The following NMBR variants were observed in gnomAD, a reference collection of about 807,000 sequenced individuals.
NMBR encodes neuromedin-B receptor.
In NMBR, 16 loss-of-function variants were observed where a neutral mutation model predicts 20.5. The ratio of observed to expected loss-of-function variants is 0.78; its 90% CI spans 0.53 to 1.19. NMBR has a LOEUF of 1.19. NMBR is among the 50% of genes most tolerant of loss of function. The pLI is 0.00. For missense variants in NMBR, 582 were observed against 499.1 expected (o/e 1.17, Z -1.58); for synonymous variants, 212 against 196.6 (o/e 1.08, Z -0.65).
chr6:142,124,777 T>C (rs1778002247), intron 1 of NMBR, among the ~76,000 whole-genome samples: 1 of 151,920 alleles, frequency 6.6e-6, no homozygotes, highest in Admixed American at 6.6e-5. Flanking sequence ...GGTCAGGCAA[T>C]TGCTGGCACA....
At chr6:142,117,104 T>C (rs1482989828) in intron 1 of NMBR, among the ~76,000 whole-genome samples, 1 of 151,966 alleles carries the variant, frequency 6.6e-6, no homozygotes, top group Non-Finnish European at 1.5e-5. Context: ...ATGCTTGCGA[T>C]GATAAGGTCA....
chr6:142,101,876 T>C (rs1418389596), intron 1 of NMBR, among the ~76,000 whole-genome samples: 1 of 152,140 alleles, frequency 6.6e-6, no homozygotes, highest in African/African-American at 2.4e-5. Context: ...GGTCACAGAT[T>C]TTTTTCAGCT....
rs935792974 is a variant in NMBR, at chr6:142,115,330, T to A, written c.-663-26009A>T. 2.0e-5 allele frequency among the ~76,000 whole-genome samples: 3 copies of A among 152,014 alleles called. 1 individual carries two copies. The highest frequency in any genetic ancestry group is 4.1e-4 in the South Asian group (2 of 4,824). On this transcript the variant is annotated intron_variant, in intron 1 of 3. Transcript: ENST00000258042. ...GGTAAAAGAGGATCTTTTTAGAACATGCAAAGGATCCACATGCAGAAAAAA... is the reference window on the plus strand; with the variant it reads ...GGTAAAAGAGGATCTTTTTAGAACAAGCAAAGGATCCACATGCAGAAAAAA...
intron 1 of NMBR, chr6:142,135,061 TG>T: frequency 2.4e-6 from 1 of 410,742 alleles, no homozygotes; most frequent in Non-Finnish European, 4.3e-6. Flanking sequence ...AGTGCCTGGT[TG>T]TAAGGTAAGG....
rs1253308836 is a variant in NMBR, at chr6:142,133,889, T to C, written c.-664+13155A>G. The C allele has an allele frequency of 5.7e-6, 4 of 701,954 alleles. No homozygotes were observed. The African/African-American group carries it at 7.0e-5, about 12-fold the overall frequency. 43.5% of individuals were successfully genotyped at this position (701,954 alleles called of 1,614,324 possible). On this transcript the variant is annotated intron_variant, in intron 1 of 3. Coordinates refer to ENST00000258042, the MANE Select transcript of NMBR (RefSeq NM_002511.4). ...TGTGATTGGTCAATTCCACACCCTT[T>C]TCTTTGGATCGATCCGAATATTCTT...
chr6:142,114,977 AG>A (rs1777825353), intron 1 of NMBR, among the ~76,000 whole-genome samples: 1 of 152,180 alleles, frequency 6.6e-6, no homozygotes, highest in Non-Finnish European at 1.5e-5. Context: ...GAAACTTAGC[AG>A]ATCTCTAATC....
chr6:142,092,275 T>C (rs1444710574), intron 1 of NMBR, among the ~76,000 whole-genome samples: 1 of 152,090 alleles, frequency 6.6e-6, no homozygotes, highest in Non-Finnish European at 1.5e-5. Flanking sequence ...CAGCTGCATG[T>C]AGATAAGGAA....
In NMBR at chr6:142,091,455, G is replaced by C. The variant is rs930461456; in HGVS notation, c.-663-2134C>G. On this transcript the variant is annotated intron_variant, in intron 1 of 3. Coordinates refer to ENST00000258042, the MANE Select transcript of NMBR (RefSeq NM_002511.4). ...GCCCCAGCTGGTCTCAAATTCTTGG[G>C]CTCAAGCAATCCTCTTGCCTCAGCC... Among the ~76,000 whole-genome samples the C allele has an allele frequency of 2.6e-5, 4 of 152,128 alleles. No homozygotes were observed. In the East Asian group the frequency reaches 5.8e-4, roughly 22 times the overall value.
At position 142,078,890 on chromosome 6, in the gene NMBR, C is replaced by T. The variant is rs141190379; in HGVS notation, c.436G>A (p.Val146Ile). 65 of 1,609,416 alleles carry T rather than the reference C, an allele frequency of 4.0e-5. No homozygotes were observed. Among genetic ancestry groups the T allele is most frequent in the African/African-American group, 2.7e-4 (20 of 73,746 alleles). ...ALSADRYRAI[V>I]NPMDMQTSGA... Reference sequence around the variant, plus strand: ...GACGTCTGCATGTCCATGGGGTTAACGATGGCTCTGTACCTGGGAAAATGA... The same window carrying T: ...GACGTCTGCATGTCCATGGGGTTAATGATGGCTCTGTACCTGGGAAAATGA... Residue 146 changes from valine to isoleucine, a missense_variant, in exon 3 of 4, where the codon GTT becomes ATT. Val to Ile is a conservative substitution (Grantham distance 29, BLOSUM62 3). Transcript: ENST00000258042.
intron 1 of NMBR, among the ~76,000 whole-genome samples, chr6:142,137,722 C>CA (rs1348149699): frequency 8.5e-5 from 13 of 152,058 alleles, no homozygotes; most frequent in Non-Finnish European, 1.5e-4. Flanking sequence ...TGAATTTTGT[C>CA]AAAGGCCTTT....
intron 1 of NMBR, among the ~76,000 whole-genome samples, chr6:142,144,642 G>GCAAC (rs1204699764): frequency 2.0e-5 from 3 of 152,112 alleles, no homozygotes; most frequent in African/African-American, 7.2e-5. Flanking sequence ...ACAAGAAAAA[G>GCAAC]CAACCTCACA....
At chr6:142,099,157 C>T (rs1038073086) in intron 1 of NMBR, among the ~76,000 whole-genome samples, 7 of 152,052 alleles carry the variant, frequency 4.6e-5, no homozygotes, top group Non-Finnish European at 7.4e-5. Context: ...CAAAAATTCA[C>T]GAAAAGTAGA....
intron 1 of NMBR, among the ~76,000 whole-genome samples, chr6:142,103,442 C>T (rs1280090818): frequency 6.6e-6 from 1 of 152,020 alleles, no homozygotes; most frequent in Non-Finnish European, 1.5e-5. Context: ...AGTTTGATAA[C>T]CAAACATTGG....
chr6:142,144,485 C>T (rs1778400057), intron 1 of NMBR, among the ~76,000 whole-genome samples: 1 of 152,076 alleles, frequency 6.6e-6, no homozygotes, highest in African/African-American at 2.4e-5. Context: ...TTGCCCTCAC[C>T]CCCTATTTTG....
At chr6:142,145,551 C>G (rs1374639473) in intron 1 of NMBR, among the ~76,000 whole-genome samples, 1 of 152,064 alleles carries the variant, frequency 6.6e-6, no homozygotes, top group Admixed American at 6.5e-5. Flanking sequence ...AATATAAAGA[C>G]CCTAGAAACA....
chr6:142,075,903 G>A lies in NMBR; in HGVS notation c.918C>T (p.Thr306=), dbSNP rs147505654. 18 of 1,613,992 alleles carry A rather than the reference G, an allele frequency of 1.1e-5. No individual in the cohort carries two copies. The African/African-American group carries it at 2.4e-4, about 22-fold the overall frequency. The change falls in exon 4 of 4, where the codon ACC becomes ACT. Residue 306 remains threonine (T), a synonymous_variant. Coordinates refer to ENST00000258042, the MANE Select transcript of NMBR (RefSeq NM_002511.4). ...CAAAACTGAGAACCCGGGCAACTAA[G>A]GTGACAATCATGTGGCCTAGAGATG... ...IDPSLGHMIV[T]LVARVLSFGN...
intron 2 of NMBR, among the ~76,000 whole-genome samples, chr6:142,084,815 G>T (rs936864601): frequency 1.2e-4 from 18 of 152,266 alleles, no homozygotes; most frequent in African/African-American, 4.3e-4. Context: ...CGCCAACCAG[G>T]AGCAAAATAT....
chr6:142,116,558 C>T (rs1275215706), intron 1 of NMBR, among the ~76,000 whole-genome samples: 2 of 151,952 alleles, frequency 1.3e-5, no homozygotes, highest in Non-Finnish European at 2.9e-5. Flanking sequence ...AAGAGAAATC[C>T]CTTATATCAT....
At chr6:142,104,747 G>C (rs949493129) in intron 1 of NMBR, among the ~76,000 whole-genome samples, 1 of 152,192 alleles carries the variant, frequency 6.6e-6, no homozygotes, top group South Asian at 2.1e-4. Flanking sequence ...TTTTGTTACA[G>C]TTTACTCAGA....
Sources: allele counts gnomAD v4.1 joint callset (sites outside exome capture counted in the v4.1 genomes callset), GRCh38; gene constraint gnomAD v4.1.1; transcripts MANE v1.5; gene names NCBI Gene and HGNC (gene_info 2026-07-23, HGNC 2026-07-21).